SMC6: variants seen among roughly 807,000 people sequenced by gnomAD.
The protein encoded by SMC6 is structural maintenance of chromosomes protein 6.
Under a neutral mutation model 142.2 loss-of-function variants are expected in SMC6, and 79 were observed. The ratio of observed to expected loss-of-function variants is 0.56; its 90% CI spans 0.46 to 0.67. The LOEUF (loss-of-function observed/expected upper bound fraction) is 0.67, where lower values mean the gene tolerates loss of function less well. Ranked by LOEUF, SMC6 falls within the 30% of genes least tolerant of loss-of-function variation. SMC6 has a pLI of 0.00. For synonymous variants in SMC6, 411 were observed against 412.4 expected (o/e 1.00, Z 0.04); for missense variants, 1,072 against 1,284.0 (o/e 0.83, Z 2.52).
intron 16 of SMC6, among the ~76,000 whole-genome samples, chr2:17,710,782 G>A (rs1668789553): frequency 6.6e-6 from 1 of 152,102 alleles, no homozygotes. Flanking sequence ...TTTGGTATGT[G>A]GTGAAATTAT....
chr2:17,692,284 C>T (rs1051833862), intron 23 of SMC6, among the ~76,000 whole-genome samples: 2 of 152,188 alleles, frequency 1.3e-5, no homozygotes, highest in African/African-American at 4.8e-5. Flanking sequence ...CTGGAGGCAT[C>T]ATGCTACCTG....
At chr2:17,698,749 T>C (rs1313014481) in intron 21 of SMC6, among the ~76,000 whole-genome samples, 1 of 152,104 alleles carries the variant, frequency 6.6e-6, no homozygotes, top group Non-Finnish European at 1.5e-5. Context: ...CTGTTGTTCA[T>C]CTGTCTTCTC....
rs1488999777 is a variant in SMC6 at position 17,732,527 on chromosome 2, C to T, written c.345-650G>A. Among the ~76,000 whole-genome samples, 4 of 151,816 alleles carry T rather than the reference C, an allele frequency of 2.6e-5. No homozygotes were observed. The South Asian group carries it at 6.2e-4, about 24-fold the overall frequency. ...CAGCCTGGCCAACACGGTGAAACCC[C>T]ATCTCTACAAAAAATACAAAAATTA... On this transcript the variant is annotated intron_variant, in intron 5 of 27. Coordinates refer to ENST00000448223, the MANE Select transcript of SMC6 (RefSeq NM_001142286.2).
chr2:17,684,162 A>C (rs957089313), intron 23 of SMC6, among the ~76,000 whole-genome samples: 2 of 152,208 alleles, frequency 1.3e-5, no homozygotes, highest in Admixed American at 1.3e-4. Context: ...TCAAGCCAGC[A>C]TTAGAATCCA....
At position 17,664,816 on chromosome 2, in the gene SMC6, C is replaced by G. The variant is rs970761317; in HGVS notation, c.*683G>C. ...CTGCACAGTCCCTCTAGCCTGTGTC[C>G]TCTCAGCTGAGGACAAGCCTGAACA... On this transcript the variant is annotated 3_prime_UTR_variant, in exon 28 of 28. Coordinates refer to ENST00000448223, the MANE Select transcript of SMC6 (RefSeq NM_001142286.2). 1 of 152,266 alleles carries G rather than the reference C, an allele frequency of 6.6e-6. No individual in the cohort carries two copies. The highest frequency in any genetic ancestry group is 1.5e-5 in the Non-Finnish European group (1 of 68,092). 9.4% of individuals were successfully genotyped at this position (152,266 alleles called of 1,614,324 possible). A position where few individuals can be genotyped will look rare whatever the true frequency, so the allele number is the denominator to read the frequency against.
intron 5 of SMC6, among the ~76,000 whole-genome samples, chr2:17,734,448 G>A (rs1395880774): frequency 6.6e-6 from 1 of 152,144 alleles, no homozygotes; most frequent in Non-Finnish European, 1.5e-5. Context: ...TTAAGGTTGA[G>A]AACCACTGAA....
At chr2:17,738,082 G>T in intron 5 of SMC6, 139 bp downstream of exon 5, 1 of 608,540 alleles carries the variant, frequency 1.6e-6, no homozygotes, top group African/African-American at 1.8e-5. Flanking sequence ...GTAAAAGAAA[G>T]GAATGAAAAA....
At position 17,718,063 on chromosome 2, in the gene SMC6, A is replaced by AAT; in HGVS notation, c.1092+13_1092+14insAT. On this transcript the variant is annotated intron_variant, in intron 12 of 27. Transcript: ENST00000448223. ...TGTGGCTTTTAAAATTCCAGTTTAG[A>AAT]AAATTTATCTCACCTCAGCTTCATT... 5 of 1,586,874 alleles carry AAT rather than the reference A, an allele frequency of 3.2e-6. No homozygotes were observed. Among genetic ancestry groups the AAT allele is most frequent in the Non-Finnish European group, 4.3e-6 (5 of 1,169,972 alleles).
chr2:17,675,345 C>A (rs1429607396), intron 25 of SMC6, among the ~76,000 whole-genome samples: 1 of 152,046 alleles, frequency 6.6e-6, no homozygotes, highest in Non-Finnish European at 1.5e-5. Context: ...AGCTTCTAAG[C>A]CCCTCAAGAC....
chr2:17,748,228 C>A (rs1670852597), intron 2 of SMC6, among the ~76,000 whole-genome samples: 1 of 152,182 alleles, frequency 6.6e-6, no homozygotes, highest in Non-Finnish European at 1.5e-5. Context: ...TATCAGATAT[C>A]CAGAATCTCA....
intron 2 of SMC6, among the ~76,000 whole-genome samples, chr2:17,751,005 CAAA>C (rs34661130): frequency 3.7e-5 from 2 of 53,786 alleles, no homozygotes; most frequent in African/African-American, 8.0e-5. Flanking sequence ...ACAGCTGTCT[CAAA>C]AAAAAAAAAA....
In SMC6 at chr2:17,679,051, C is replaced by T. The variant is rs1667127843; in HGVS notation, c.2805-87G>A. 11 of 845,350 alleles carry T rather than the reference C, an allele frequency of 1.3e-5. No homozygotes were observed. In the East Asian group the frequency reaches 2.4e-4, roughly 18 times the overall value. 52.4% of individuals were successfully genotyped at this position (845,350 alleles called of 1,614,324 possible). On this transcript the variant is annotated intron_variant, in intron 24 of 27. Transcript: ENST00000448223. ...AGCATGATCTAAGCATGTGAGAAAA[C>T]CAGATGGAAATATGCCAAAATGTAA...
At position 17,695,033 on chromosome 2, in the gene SMC6, A is replaced by C. The variant is rs1038366754; in HGVS notation, c.2678+119T>G. On this transcript the variant is annotated intron_variant, in intron 23 of 27. Transcript: ENST00000448223. ...ACACATATAAAGGACTACTTCAGCTATAACTATTTGCTATAGTAACACTTC... is the reference window on the plus strand; with the variant it reads ...ACACATATAAAGGACTACTTCAGCTCTAACTATTTGCTATAGTAACACTTC... The C allele has an allele frequency of 1.1e-5, 12 of 1,097,798 alleles. No homozygotes were observed. In the South Asian group the frequency reaches 1.6e-4, roughly 15 times the overall value. 68.0% of individuals were successfully genotyped at this position (1,097,798 alleles called of 1,614,324 possible). A position where few individuals can be genotyped will look rare whatever the true frequency, so the allele number is the denominator to read the frequency against.
intron 7 of SMC6, among the ~76,000 whole-genome samples, chr2:17,730,431 T>C (rs1216994597): frequency 6.8e-6 from 1 of 147,668 alleles, no homozygotes; most frequent in African/African-American, 2.5e-5. Flanking sequence ...AGCAACTGAG[T>C]TTAGGGAACA....
chr2:17,744,303 C>A (rs1377788896), intron 3 of SMC6, among the ~76,000 whole-genome samples: 1 of 152,102 alleles, frequency 6.6e-6, no homozygotes, highest in Non-Finnish European at 1.5e-5. Flanking sequence ...TTTTAATTTG[C>A]ATCGTCCCAA....
At chr2:17,753,325 G>GGGGACGGCCGCCTGGGAT (rs1671173948) in intron 1 of SMC6, among the ~76,000 whole-genome samples, 1 of 125,854 alleles carries the variant, frequency 7.9e-6, no homozygotes, top group Non-Finnish European at 1.7e-5. Flanking sequence ...GGGAGAGTCT[G>GGGGACGGCCGCCTGGGAT]GGGACGGCCG....
chr2:17,689,629 A>C (rs901407046), intron 23 of SMC6, among the ~76,000 whole-genome samples: 22 of 152,226 alleles, frequency 1.4e-4, no homozygotes, highest in African/African-American at 5.3e-4. Flanking sequence ...TTTTTGATAG[A>C]GCTGTCCCTC....
intron 5 of SMC6, among the ~76,000 whole-genome samples, chr2:17,737,890 G>A (rs928594385): frequency 6.6e-6 from 1 of 152,098 alleles, no homozygotes; most frequent in Non-Finnish European, 1.5e-5. Context: ...GCTGGGTTTG[G>A]GTCAATAGTC....
chr2:17,751,467 C>CA (rs11309389), intron 2 of SMC6, among the ~76,000 whole-genome samples: 7,303 of 89,066 alleles, frequency 0.082, 227 homozygotes, highest in Middle Eastern at 0.14. Flanking sequence ...CTGTCTCAAA[C>CA]AAAAAAAAAA....
Sources: gnomAD v4.1 joint callset for allele counts (sites outside exome capture counted in the v4.1 genomes callset) on GRCh38, gnomAD v4.1.1 for gene constraint, MANE v1.5 for transcripts, NCBI Gene and HGNC (gene_info 2026-07-23, HGNC 2026-07-21) for gene names.